Variants in ZFHX3 observed in about 807,000 individuals in gnomAD.
ZFHX3 encodes the protein zinc finger homeobox protein 3.
In ZFHX3, 42 loss-of-function variants were observed where a neutral mutation model predicts 279.1. The ratio of observed to expected loss-of-function variants is 0.15; its 90% confidence interval spans 0.12 to 0.19. ZFHX3 has a LOEUF of 0.19. Ranked by LOEUF, ZFHX3 falls within the 10% of genes least tolerant of loss-of-function variation. The pLI is 1.00. For synonymous variants in ZFHX3, 2,293 were observed against 1,957.8 expected (o/e 1.17, Z -4.52); for missense variants, 4,981 against 4,754.0 (o/e 1.05, Z -1.40).
At position 73,734,087 on chromosome 16, in the gene ZFHX3, T is replaced by C. The variant is rs117794875; in HGVS notation, c.-1607-53847A>G. ...CATGCAACCTAGATCCCTCACATGC[T>C]CAATTCACAATAGTGTTTGTGCTCC... On this transcript the variant is annotated intron_variant, in intron 1 of 17. Coordinates refer to the ZFHX3 transcript ENST00000641206. Among the ~76,000 whole-genome samples, 439 of 152,242 alleles carry C rather than the reference T, an allele frequency of 2.9e-3. 20 individuals are homozygous for C. The East Asian group carries it at 0.074, about 26-fold the overall frequency.
intron 2 of ZFHX3, among the ~76,000 whole-genome samples, chr16:73,476,689 GAC>G (rs2018771631): frequency 6.6e-6 from 1 of 152,090 alleles, no homozygotes; most frequent in South Asian, 2.1e-4. Flanking sequence ...ATTTTATATT[GAC>G]ATTGCTTTTT....
chr16:72,860,660 C>T (rs2037864833), intron 4 of ZFHX3, among the ~76,000 whole-genome samples: 2 of 152,134 alleles, frequency 1.3e-5, no homozygotes, highest in South Asian at 4.1e-4. Context: ...GAACTCCTGA[C>T]CTTAAGTGAT....
At chr16:73,270,111 T>A (rs2014100402) in intron 4 of ZFHX3, among the ~76,000 whole-genome samples, 1 of 152,198 alleles carries the variant, frequency 6.6e-6, no homozygotes, top group Non-Finnish European at 1.5e-5. Flanking sequence ...TTGTTCATCC[T>A]TGTCAACACT....
chr16:73,194,588 T>C (rs570126761), intron 5 of ZFHX3, among the ~76,000 whole-genome samples: 8 of 152,332 alleles, frequency 5.3e-5, no homozygotes, highest in Non-Finnish European at 1.0e-4. Context: ...AATAAAATTA[T>C]ATTATGGTTA....
chr16:73,459,327 G>A (rs908095815), intron 2 of ZFHX3, among the ~76,000 whole-genome samples: 16 of 152,078 alleles, frequency 1.1e-4, no homozygotes, highest in Non-Finnish European at 4.4e-5. Context: ...CCTGAGACTA[G>A]GTAATTTATA....
intron 4 of ZFHX3, among the ~76,000 whole-genome samples, chr16:73,307,691 A>G (rs891461466): frequency 3.9e-5 from 6 of 151,978 alleles, no homozygotes; most frequent in African/African-American, 1.2e-4. Flanking sequence ...CTTCTCTTAT[A>G]TCTGTTTGGT....
chr16:73,353,624 G>T (rs1051768287), intron 3 of ZFHX3, among the ~76,000 whole-genome samples: 36 of 152,174 alleles, frequency 2.4e-4, no homozygotes, highest in Non-Finnish European at 3.5e-4. Flanking sequence ...CCAGCTCATG[G>T]CCACTTAGCC....
Position 72,793,821 on chromosome 16 carries a change from G to C in ZFHX3, c.8861C>G (p.Thr2954Ser). 1 of 1,614,144 alleles carries C rather than the reference G, an allele frequency of 6.2e-7. No homozygotes were observed. The highest frequency in any genetic ancestry group is 2.2e-5 in the East Asian group (1 of 44,880). ...PGQKRFRTQM[T>S]NLQLKVLKSC... The stretch of plus-strand genomic sequence containing the variant: ...CTTGAGGACCTTCAGCTGCAGATTG[G>C]TCATTTGAGTGCGAAAACGTTTCTG... Residue 2954 changes from threonine to serine, a missense_variant, in exon 9 of 10, where the codon ACC (threonine) becomes AGC (serine). This residue lies in a region of ZFHX3 where 168 missense variants were observed against 249.1 expected (regional missense o/e 0.67). Coordinates refer to ENST00000268489, the MANE Select transcript of ZFHX3 (RefSeq NM_006885.4). This position sits in a 1 kb window ranked among gnomAD's most constrained non-coding sequence, Gnocchi z 4.3.
Position 73,371,832 on chromosome 16 carries a change from C to T in ZFHX3, c.-1290-53496G>A, listed in dbSNP as rs80081584. On this transcript the variant is annotated intron_variant, in intron 3 of 17. Transcript: ENST00000641206. The stretch of plus-strand genomic sequence containing the variant: ...CACTGGTAAATAGTTCAAAGTCTCT[C>T]TTGCTGATCGCAATGCCCTTTCCCT... 6.6e-3 allele frequency among the ~76,000 whole-genome samples: 1,012 copies of T among 152,358 alleles called. 4 individuals are homozygous for T. The highest frequency in any genetic ancestry group is 0.011 in the Admixed American group (168 of 15,306).
chr16:73,132,150 T>C (rs1314936556), intron 6 of ZFHX3, among the ~76,000 whole-genome samples: 1 of 151,996 alleles, frequency 6.6e-6, no homozygotes, highest in Non-Finnish European at 1.5e-5. Flanking sequence ...CCCCATGAGG[T>C]GGCACACAAC....
intron 1 of ZFHX3, among the ~76,000 whole-genome samples, chr16:73,859,255 T>A (rs1961819556): frequency 6.6e-6 from 1 of 152,168 alleles, no homozygotes; most frequent in Non-Finnish European, 1.5e-5. Flanking sequence ...CCAGGCACAA[T>A]GGTAAAAGAA....
chr16:72,841,195 A>G (rs2037335756), intron 4 of ZFHX3, among the ~76,000 whole-genome samples: 1 of 152,224 alleles, frequency 6.6e-6, no homozygotes, highest in Admixed American at 6.5e-5. Context: ...AGGTGCGTCT[A>G]CACGTGGAAA....
At chr16:73,146,620 T>C (rs1218427812) in intron 5 of ZFHX3, among the ~76,000 whole-genome samples, 3 of 152,148 alleles carry the variant, frequency 2.0e-5, no homozygotes, top group Non-Finnish European at 4.4e-5. Context: ...AACATGGCAG[T>C]ACTAGTTTTT....
chr16:72,957,283 T>G, intron 2 of ZFHX3, 144 bp downstream of exon 2: 1 of 933,856 alleles, frequency 1.1e-6, no homozygotes, highest in Non-Finnish European at 1.6e-6. Context: ...TTGAGAATAC[T>G]TGATTGTAAG....
At chr16:73,656,485 G>C (rs74538107) in intron 2 of ZFHX3, among the ~76,000 whole-genome samples, 8,844 of 152,278 alleles carry the variant, frequency 0.058, 368 homozygotes, top group Non-Finnish European at 0.09. Flanking sequence ...TACCTCTAGG[G>C]AGGATCAAGG....
rs71156167 is a variant in ZFHX3, at chr16:73,448,685, CGTGTGTGTGT to C, written c.-1291+7308_-1291+7317del. On this transcript the variant is annotated intron_variant, in intron 3 of 17. Transcript: ENST00000641206. ...AAAGGGGAAGGTGTATATTTATATA[CGTGTGTGTGT>C]GTGTGTGTGTGTGTGTGTGTGTGTG... 3.4e-4 allele frequency among the ~76,000 whole-genome samples: 49 copies of C among 142,152 alleles called. 1 individual carries two copies. The highest frequency in any genetic ancestry group is 2.8e-4 in the Non-Finnish European group (18 of 65,414). 93.3% of individuals were successfully genotyped at this position (142,152 alleles called of 152,430 possible).
chr16:73,333,812 A>C (rs78879284), intron 3 of ZFHX3, among the ~76,000 whole-genome samples: 9 of 150,560 alleles, frequency 6.0e-5, no homozygotes, highest in Non-Finnish European at 1.2e-4. Context: ...GACCAAAAAA[A>C]AAAAAAAAAA....
intron 5 of ZFHX3, among the ~76,000 whole-genome samples, chr16:73,217,997 T>C (rs1000729404): frequency 6.6e-6 from 1 of 152,214 alleles, no homozygotes; most frequent in Non-Finnish European, 1.5e-5. Flanking sequence ...TTCTAGAGTA[T>C]AGAAGCTCTG....
chr16:72,928,210 GCGAA>G, intron 3 of ZFHX3, among the ~76,000 whole-genome samples: 4 of 55,074 alleles, frequency 7.3e-5, no homozygotes, highest in Admixed American at 1.6e-4. Flanking sequence ...GCGAGGGGGA[GCGAA>G]GGGGAGCGAG....
Sources: allele counts gnomAD v4.1 joint callset (sites outside exome capture counted in the v4.1 genomes callset), GRCh38; gene constraint gnomAD v4.1.1; regional missense constraint gnomAD v4.1.1; non-coding constraint Gnocchi (gnomAD v3.1); transcripts MANE v1.5; gene names NCBI Gene and HGNC (gene_info 2026-07-23, HGNC 2026-07-21).